Variants in INF2 observed in about 807,000 individuals in gnomAD.
INF2 encodes the protein inverted formin-2.
INF2 carries 43 observed loss-of-function variants against 123.5 expected under a neutral mutation model. The observed-to-expected ratio is 0.35, with a 90% CI of 0.27 to 0.45. INF2 has a LOEUF of 0.45. Ranked by LOEUF, INF2 falls within the 20% of genes least tolerant of loss-of-function variation. The probability of loss-of-function intolerance (pLI) is 1.00; values close to 1 mark genes in which losing one functional copy is unlikely to be tolerated. For missense variants in INF2, 1,453 were observed against 1,682.7 expected, an observed-to-expected ratio of 0.86 and a Z score of 2.39; for synonymous variants, 851 against 745.0, an observed-to-expected ratio of 1.14 and a Z score of -2.32.
At chr14:104,682,450 C>G (rs1888548906) in intron 1 of INF2, among the ~76,000 whole-genome samples, 1 of 152,208 alleles carries the variant, frequency 6.6e-6, no homozygotes, top group Non-Finnish European at 1.5e-5. Flanking sequence ...GATGAGCAGG[C>G]AGCTGCCTGC....
At chr14:104,714,884 G>A (rs373503918) in intron 21 of INF2, 28 bp downstream of exon 21, 25 of 1,503,190 alleles carry the variant, frequency 1.7e-5, no homozygotes, top group African/African-American at 9.9e-5. Context: ...CCCGGGCACC[G>A]TCCCACGCCA....
chr14:104,713,950 T>C (rs957316962), intron 20 of INF2, among the ~76,000 whole-genome samples: 2 of 152,200 alleles, frequency 1.3e-5, no homozygotes, highest in South Asian at 2.1e-4. Flanking sequence ...GGCAAGGCCC[T>C]GGTGGGAGGA....
Position 104,708,468 on chromosome 14 carries a change from C to A in INF2, c.1768C>A (p.Pro590Thr). The change falls in exon 9 of 23, where the codon CCC (proline) becomes ACC (threonine). Residue 590 changes from proline (P) to threonine (T), a missense_variant. Transcript: ENST00000392634. ...CTCTATGTGGGCGTCCCTGAGCAGCCCCGACGCCGAGGCTGTGGAGCCCGA... is the reference window on the plus strand; with the variant it reads ...CTCTATGTGGGCGTCCCTGAGCAGCACCGACGCCGAGGCTGTGGAGCCCGA... The part of the protein sequence containing the change: ...HNSMWASLSS[P>T]DAEAVEPDFS... The A allele has an allele frequency of 6.2e-7, 1 of 1,612,536 alleles. No individual in the cohort carries two copies. The highest frequency in any genetic ancestry group is 1.1e-5 in the South Asian group (1 of 91,086).
chr14:104,721,519 T>C lies in INF2; in HGVS notation c.*2726T>C, dbSNP rs1890557443. ...ACAACTGGGCGACACGCTAAGTTTATGTTTAACTTTTTAAGTAACTGCCTA... is the reference window on the plus strand; with the variant it reads ...ACAACTGGGCGACACGCTAAGTTTACGTTTAACTTTTTAAGTAACTGCCTA... On this transcript the variant is annotated 3_prime_UTR_variant, in exon 23 of 23. Transcript: ENST00000392634. 5 of 153,748 alleles carry C rather than the reference T, an allele frequency of 3.3e-5. No homozygotes were observed. In the South Asian group the frequency reaches 7.7e-4, roughly 24 times the overall value. 9.5% of individuals were successfully genotyped at this position (153,748 alleles called of 1,614,324 possible). A position where few individuals can be genotyped will look rare whatever the true frequency, so the allele number is the denominator to read the frequency against.
chr14:104,696,583 G>A (rs1889203191), intron 1 of INF2, among the ~76,000 whole-genome samples: 1 of 152,206 alleles, frequency 6.6e-6, no homozygotes, highest in Non-Finnish European at 1.5e-5. Context: ...GTGTGAGGGA[G>A]GGGAATGGGG....
intron 1 of INF2, chr14:104,690,342 C>T (rs1424190123): frequency 6.6e-6 from 1 of 152,448 alleles, no homozygotes; most frequent in East Asian, 1.9e-4. Flanking sequence ...AACCCTCTAA[C>T]TGGGGAGTCG....
Position 104,711,178 on chromosome 14 carries a change from G to T in INF2, c.2410G>T (p.Val804Leu). The change falls in exon 15 of 23, where the codon GTG becomes TTG. Residue 804 changes from valine to leucine, a missense_variant. By Grantham distance (32) the Val-to-Leu change is conservative. Transcript: ENST00000392634. ...GAACCGCGTGACGCTGCTGCACCACGTGCTGGAGGTGGGCCGTGGTGGCGG... is the reference window on the plus strand; with the variant it reads ...GAACCGCGTGACGCTGCTGCACCACTTGCTGGAGGTGGGCCGTGGTGGCGG... ...QQNRVTLLHH[V>L]LEEAEKSHPD... 1 of 1,558,984 alleles carries T rather than the reference G, an allele frequency of 6.4e-7. No homozygotes were observed. Among genetic ancestry groups the T allele is most frequent in the Non-Finnish European group, 8.7e-7 (1 of 1,152,266 alleles).
intron 1 of INF2, chr14:104,700,980 C>A: frequency 3.6e-6 from 2 of 557,140 alleles, no homozygotes; most frequent in Non-Finnish European, 2.3e-6. Context: ...AATGTTCCAG[C>A]CAGGGGAGCC....
chr14:104,711,814 G>A lies in INF2; in HGVS notation c.2489+115G>A, dbSNP rs117278745. ...GGTCTCACAGCTGCAGCGCAGCCCC[G>A]GCGCCACGGAGCCCTGCCCAATAGA... is the stretch of plus-strand genomic sequence containing the variant. On this transcript the variant is annotated intron_variant, in intron 16 of 22. Coordinates refer to ENST00000392634, the MANE Select transcript of INF2 (RefSeq NM_022489.4). The A allele has an allele frequency of 0.016, 15,032 of 931,670 alleles. 225 individuals are homozygous for A. Among genetic ancestry groups the A allele is most frequent in the South Asian group, 0.04 (2,630 of 65,950 alleles). The allele number at this position is 931,670 out of a possible 1,614,324, so 57.7% of individuals were successfully genotyped here.
In INF2 at chr14:104,708,588, G is replaced by T; in HGVS notation, c.1887+1G>T. ...CCGGGCCAGGAAGGAGCCCAAGGAG[G>T]TGGGGACGGGGAGGGGACTCAGACC... is the stretch of plus-strand genomic sequence containing the variant. On this transcript the variant is annotated splice_donor_variant, in intron 9 of 22. Transcript: ENST00000392634. LOFTEE classifies it high-confidence loss of function. 6.2e-7 allele frequency: 1 copy of T among 1,612,632 alleles called. No individual in the cohort carries two copies. Among genetic ancestry groups the T allele is most frequent in the Non-Finnish European group, 8.5e-7 (1 of 1,179,870 alleles).
intron 1 of INF2, among the ~76,000 whole-genome samples, chr14:104,693,911 C>T (rs561824959): frequency 2.6e-5 from 4 of 152,346 alleles, no homozygotes; most frequent in African/African-American, 9.6e-5. Context: ...ACCCAGCCTA[C>T]GCTGGGAGGA....
intron 2 of INF2, 32 bp downstream of exon 2, chr14:104,701,788 G>A: frequency 6.9e-7 from 1 of 1,455,494 alleles, no homozygotes; most frequent in Non-Finnish European, 9.0e-7. Flanking sequence ...CCGCCCAGGC[G>A]GACGCTGGGG....
Position 104,709,321 on chromosome 14 carries a change from A to T in INF2, c.1990A>T (p.Thr664Ser). The T allele has an allele frequency of 6.2e-7, 1 of 1,613,146 alleles. No homozygotes were observed. The highest frequency in any genetic ancestry group is 1.1e-5 in the South Asian group (1 of 91,078). Residue 664 changes from threonine to serine, a missense_variant, in exon 11 of 23, where the codon ACC (threonine) becomes TCC (serine). Transcript: ENST00000392634. ...EVAAMIRAGD[T>S]TKFDVEVLKQ... is the part of the protein sequence containing the mutation. ...CGCTGCTATGATCCGGGCTGGAGAT[A>T]CCACCAAGTTTGATGTGGAGGTTCT...
chr14:104,691,501 C>T (rs964703318), intron 1 of INF2, among the ~76,000 whole-genome samples: 4 of 152,194 alleles, frequency 2.6e-5, no homozygotes, highest in African/African-American at 9.7e-5. Flanking sequence ...ATCTTGCAAA[C>T]AGCAGGTGTC....
chr14:104,716,680 C>T (rs1418670767), intron 22 of INF2, among the ~76,000 whole-genome samples: 1 of 152,194 alleles, frequency 6.6e-6, no homozygotes, highest in Non-Finnish European at 1.5e-5. Context: ...CCTCTTCTCT[C>T]CCCAACTTTT....
intron 7 of INF2, 80 bp from the exon 8 acceptor site, chr14:104,707,173 T>G: frequency 6.6e-7 from 1 of 1,516,714 alleles, no homozygotes; most frequent in Non-Finnish European, 8.8e-7. Context: ...GGTGGCCGCT[T>G]TTTCCTGCCT....
intron 10 of INF2, 104 bp from the exon 11 acceptor site, chr14:104,709,177 C>T: frequency 1.2e-6 from 1 of 844,554 alleles, no homozygotes; most frequent in Non-Finnish European, 1.9e-6. Flanking sequence ...GCCCTGGCCA[C>T]CCCATGACTA....
At chr14:104,710,468 G>A (rs548975481) in intron 13 of INF2, among the ~76,000 whole-genome samples, 47 of 148,842 alleles carry the variant, frequency 3.2e-4, no homozygotes, top group Non-Finnish European at 4.5e-4. Flanking sequence ...CAAGCACACC[G>A]CCACTCAGGC....
chr14:104,681,710 A>G (rs1356318507), intron 1 of INF2: 1 of 728,582 alleles, frequency 1.4e-6, no homozygotes, highest in Non-Finnish European at 2.0e-6. Flanking sequence ...GGAGGGCAGC[A>G]CGCTGGTGCA....
Sources: allele counts gnomAD v4.1 joint callset (sites outside exome capture counted in the v4.1 genomes callset), GRCh38; gene constraint gnomAD v4.1.1; transcripts MANE v1.5; gene names NCBI Gene and HGNC (gene_info 2026-07-23, HGNC 2026-07-21).